ANK2: variants seen among roughly 807,000 people sequenced by gnomAD.
The protein encoded by ANK2 is ankyrin-2.
Under a neutral mutation model 360.5 loss-of-function variants are expected in ANK2, and 83 were observed. The ratio of observed to expected loss-of-function variants is 0.23; its 90% CI spans 0.19 to 0.28. The LOEUF is 0.28. Ranked by LOEUF, ANK2 falls within the 10% of genes least tolerant of loss-of-function variation. ANK2 has a pLI of 1.00. For missense variants in ANK2, 4,201 were observed against 4,795.7 expected, an observed-to-expected ratio of 0.88 and a Z score of 3.66; for synonymous variants, 1,740 against 1,759.5, an observed-to-expected ratio of 0.99 and a Z score of 0.28.
At chr4:113,308,972 T>G (rs2078544547) in intron 23 of ANK2, among the ~76,000 whole-genome samples, 2 of 152,182 alleles carry the variant, frequency 1.3e-5, no homozygotes, top group African/African-American at 4.8e-5. Context: ...ATATGAGTGT[T>G]ATTTCAGGGG....
At chr4:112,898,532 A>G (rs1038328377) in intron 1 of ANK2, among the ~76,000 whole-genome samples, 5 of 152,186 alleles carry the variant, frequency 3.3e-5, no homozygotes, top group Non-Finnish European at 7.3e-5. Flanking sequence ...AGCACTGTGA[A>G]CATGACAGTG....
At position 113,082,149 on chromosome 4, in the gene ANK2, T is replaced by G. The variant is rs147273780; in HGVS notation, c.84+32337T>G. On this transcript the variant is annotated intron_variant, in intron 1 of 45. Coordinates refer to ENST00000357077, the MANE Select transcript of ANK2 (RefSeq NM_001148.6). ...CTTTTAATTAGTTCTATTAATAAGA[T>G]TTTACTGCATATAGGTAATACTACT... 1.2e-3 allele frequency among the ~76,000 whole-genome samples: 186 copies of G among 152,308 alleles called. 1 individual carries two copies. The highest frequency in any genetic ancestry group is 4.2e-3 in the African/African-American group (176 of 41,574).
intron 1 of ANK2, among the ~76,000 whole-genome samples, chr4:113,126,734 C>T (rs555172616): frequency 4.2e-4 from 64 of 152,160 alleles, no homozygotes; most frequent in African/African-American, 1.5e-3. Flanking sequence ...AACACATTAT[C>T]GAATATAAGG....
chr4:113,131,941 TTTTTC>T (rs1188073315), intron 1 of ANK2, among the ~76,000 whole-genome samples: 1 of 152,194 alleles, frequency 6.6e-6, no homozygotes, highest in Non-Finnish European at 1.5e-5. Context: ...CTCAAAGGCT[TTTTTC>T]TTCTTTTTCC....
intron 1 of ANK2, among the ~76,000 whole-genome samples, chr4:112,870,171 GT>G (rs1196674700): frequency 6.6e-6 from 1 of 151,512 alleles, no homozygotes. Flanking sequence ...GCTAATTTTT[GT>G]ATTTAGAGAT....
chr4:113,086,291 A>C (rs1451738509), intron 1 of ANK2, among the ~76,000 whole-genome samples: 2 of 152,234 alleles, frequency 1.3e-5, no homozygotes, highest in Non-Finnish European at 2.9e-5. Flanking sequence ...TTGTACAATG[A>C]AACTCTTTTT....
At chr4:113,021,696 C>T (rs985461450) in intron 2 of ANK2, among the ~76,000 whole-genome samples, 6 of 151,102 alleles carry the variant, frequency 4.0e-5, no homozygotes, top group East Asian at 3.9e-4. Flanking sequence ...ATATTTATTA[C>T]GCATTTATGA....
chr4:113,354,266 C>T lies in ANK2; in HGVS notation c.5648C>T (p.Pro1883Leu). The T allele has an allele frequency of 2.5e-6, 4 of 1,614,160 alleles. No homozygotes were observed. Among genetic ancestry groups the T allele is most frequent in the Non-Finnish European group, 3.4e-6 (4 of 1,180,002 alleles). ...ACTGAGAAACACTCACCTGTATCAC[C>T]CTCGACAAAAACTGAAAGGCACTCT... ...SKTEKHSPVS[P>L]STKTERHSPV... The change falls in exon 38 of 46, where the codon CCC (proline) becomes CTC (leucine). Residue 1883 changes from proline (P) to leucine (L), a missense_variant. Physicochemically the swap from Pro to Leu is moderately conservative, Grantham distance 98. This residue lies in a region of ANK2 where 2,642 missense variants were observed against 2,714.5 expected (regional missense o/e 0.97). Coordinates refer to ENST00000357077, the MANE Select transcript of ANK2 (RefSeq NM_001148.6).
chr4:112,904,210 T>G (rs942946591), intron 1 of ANK2, among the ~76,000 whole-genome samples: 1 of 152,198 alleles, frequency 6.6e-6, no homozygotes, highest in Non-Finnish European at 1.5e-5. Flanking sequence ...AATCTATTTC[T>G]CTTACAGATT....
At chr4:113,150,665 A>T (rs1399639620) in intron 1 of ANK2, among the ~76,000 whole-genome samples, 1 of 152,184 alleles carries the variant, frequency 6.6e-6, no homozygotes, top group Non-Finnish European at 1.5e-5. Context: ...GTACTTCAGG[A>T]TGACAACTCA....
intron 2 of ANK2, among the ~76,000 whole-genome samples, chr4:112,974,673 A>G (rs1472107566): frequency 6.6e-6 from 1 of 152,210 alleles, no homozygotes; most frequent in African/African-American, 2.4e-5. Context: ...GGAAAATTTC[A>G]TTATTTCACT....
intron 1 of ANK2, among the ~76,000 whole-genome samples, chr4:112,897,512 C>A (rs1208818446): frequency 6.6e-6 from 1 of 152,044 alleles, no homozygotes; most frequent in Non-Finnish European, 1.5e-5. Flanking sequence ...AAGAGGATTG[C>A]CGATCAGAAA....
chr4:113,191,797 A>G (rs1405238543), intron 2 of ANK2, among the ~76,000 whole-genome samples: 1 of 152,188 alleles, frequency 6.6e-6, no homozygotes, highest in African/African-American at 2.4e-5. Flanking sequence ...TCCCTTTTTT[A>G]CTATTGAAGA....
At chr4:113,023,580 A>C (rs2154299216) in intron 2 of ANK2, among the ~76,000 whole-genome samples, 1 of 152,302 alleles carries the variant, frequency 6.6e-6, no homozygotes, top group African/African-American at 2.4e-5. Context: ...ACAACATCTA[A>C]GATAGCACCA....
At chr4:113,120,624 G>A (rs1356977674) in intron 1 of ANK2, among the ~76,000 whole-genome samples, 1 of 151,790 alleles carries the variant, frequency 6.6e-6, no homozygotes, top group Non-Finnish European at 1.5e-5. Flanking sequence ...ATAAGTTCAG[G>A]GGTACATGTT....
chr4:113,254,885 AT>A (rs1323786932), intron 10 of ANK2, among the ~76,000 whole-genome samples: 3 of 152,236 alleles, frequency 2.0e-5, no homozygotes, highest in Admixed American at 2.0e-4. Context: ...ATAAAAGACA[AT>A]AGTCCCATCT....
chr4:112,878,539 T>G (rs905153887), intron 1 of ANK2, among the ~76,000 whole-genome samples: 2 of 152,122 alleles, frequency 1.3e-5, no homozygotes, highest in African/African-American at 4.8e-5. Context: ...TTGACCAGAC[T>G]GGTCTCAAAC....
chr4:112,967,224 T>TC, intron 2 of ANK2, among the ~76,000 whole-genome samples: 1 of 152,282 alleles, frequency 6.6e-6, no homozygotes, highest in South Asian at 2.1e-4. Flanking sequence ...TGATCTTGGC[T>TC]CCCCCTTGGC....
At chr4:113,049,851 G>T in intron 1 of ANK2, 39 bp downstream of exon 1, 2 of 1,605,760 alleles carry the variant, frequency 1.2e-6, no homozygotes, top group Non-Finnish European at 1.7e-6. Flanking sequence ...GTATAAATAT[G>T]TATGTGTGTG....
Sources: allele counts gnomAD v4.1 joint callset (sites outside exome capture counted in the v4.1 genomes callset), GRCh38; gene constraint gnomAD v4.1.1; regional missense constraint gnomAD v4.1.1; transcripts MANE v1.5; gene names NCBI Gene and HGNC (gene_info 2026-07-23, HGNC 2026-07-21).